Variants in MARS1 observed in about 807,000 individuals in gnomAD.
MARS1 encodes the protein methionyl-tRNA synthetase 1.
In MARS1, 80 loss-of-function variants were observed where a neutral mutation model predicts 119.5. That is an observed-to-expected ratio of 0.67 (90% CI 0.56 to 0.81). The LOEUF (loss-of-function observed/expected upper bound fraction) is 0.81. MARS1 is among the 30% of genes least tolerant of loss of function. The probability of loss-of-function intolerance (pLI) is 0.00; values close to 1 mark genes in which losing one functional copy is unlikely to be tolerated. For synonymous variants in MARS1, 418 were observed against 433.4 expected, an observed-to-expected ratio of 0.96 and a Z score of 0.44; for missense variants, 945 against 1,116.5, an observed-to-expected ratio of 0.85 and a Z score of 2.19.
chr12:57,494,420 C>T (rs762689130), intron 7 of MARS1, among the ~76,000 whole-genome samples: 1 of 149,104 alleles, frequency 6.7e-6, no homozygotes, highest in African/African-American at 2.5e-5. Context: ...CTCTGCCTCC[C>T]GGGTTCAAGT....
intron 10 of MARS1, 171 bp from the exon 11 acceptor site, chr12:57,504,054 G>T: frequency 1.7e-6 from 1 of 602,126 alleles, no homozygotes; most frequent in South Asian, 2.0e-5. Flanking sequence ...ATACTGAGAA[G>T]ATTTGAGTCT....
chr12:57,497,653 G>C (rs980792386), intron 7 of MARS1, among the ~76,000 whole-genome samples: 2 of 152,130 alleles, frequency 1.3e-5, no homozygotes, highest in African/African-American at 2.4e-5. Flanking sequence ...GGAAGTGACA[G>C]ACATGGGTTA....
intron 3 of MARS1, 34 bp downstream of exon 3, chr12:57,489,379 C>T (rs373141532): frequency 1.1e-4 from 175 of 1,613,946 alleles, no homozygotes; most frequent in Non-Finnish European, 1.4e-4. Flanking sequence ...TCAGGCAGGC[C>T]CTTGTTCTGC....
chr12:57,488,747 A>G, intron 1 of MARS1: 1 of 1,276,520 alleles, frequency 7.8e-7, no homozygotes, highest in Non-Finnish European at 1.1e-6. Context: ...TTCAGTCGTT[A>G]AGTTCTTGGC....
chr12:57,506,707 C>T lies in MARS1; in HGVS notation c.1368+2408C>T, dbSNP rs138298853. On this transcript the variant is annotated intron_variant, in intron 11 of 20. Transcript: ENST00000262027. ...TTTTTCTTTTCTTGAGATGGAGTCC[C>T]GCTCTGTTGCCCAGACTGTAGTGCA... Among the ~76,000 whole-genome samples the T allele has an allele frequency of 2.0e-3, 311 of 152,182 alleles. 4 individuals carry two copies. In the East Asian group the frequency reaches 0.028, roughly 13 times the overall value.
intron 11 of MARS1, among the ~76,000 whole-genome samples, chr12:57,509,670 G>A (rs530922730): frequency 2.6e-5 from 4 of 151,908 alleles, no homozygotes; most frequent in Admixed American, 1.3e-4. Flanking sequence ...TTGGCCTCCC[G>A]AAGTGCTGGG....
intron 7 of MARS1, among the ~76,000 whole-genome samples, chr12:57,495,102 A>C (rs1433598111): frequency 2.3e-5 from 3 of 129,140 alleles, no homozygotes; most frequent in African/African-American, 9.0e-5. Context: ...GTGCCCCCCC[A>C]CCTCCCGGGC....
intron 4 of MARS1, 63 bp downstream of exon 4, chr12:57,489,621 C>CTGTATTCA: frequency 1.2e-6 from 2 of 1,604,178 alleles, no homozygotes; most frequent in East Asian, 4.5e-5. Context: ...AGAGGGAAGA[C>CTGTATTCA]TGTATTCAGA....
At chr12:57,514,340 G>A (rs1877669270) in intron 15 of MARS1, among the ~76,000 whole-genome samples, 1 of 151,826 alleles carries the variant, frequency 6.6e-6, no homozygotes, top group Non-Finnish European at 1.5e-5. Flanking sequence ...TGCATTTTTA[G>A]TAGAGACGAG....
rs769545323 is a variant in MARS1, at chr12:57,488,194, C to G, written c.104C>G (p.Pro35Arg). ...RAEVLISTVG[P>R]EDCVVPFLTR... is the part of the protein sequence containing the mutation. ...GAGGTGCTCATCAGCACTGTAGGCCCGGAAGGTACTCGTGCTGGTGCTGGT... is the reference window on the plus strand; with the variant it reads ...GAGGTGCTCATCAGCACTGTAGGCCGGGAAGGTACTCGTGCTGGTGCTGGT... Residue 35 changes from proline (P) to arginine (R), a missense_variant, in exon 1 of 21, where the codon CCG becomes CGG. Pro to Arg is a moderately radical substitution (Grantham distance 103, BLOSUM62 -2). Transcript: ENST00000262027. 2.5e-6 allele frequency: 4 copies of G among 1,611,020 alleles called. No individual in the cohort carries two copies. Among genetic ancestry groups the G allele is most frequent in the Non-Finnish European group, 2.5e-6 (3 of 1,177,768 alleles).
intron 11 of MARS1, among the ~76,000 whole-genome samples, chr12:57,507,304 C>T (rs1451188125): frequency 4.0e-5 from 6 of 149,190 alleles, no homozygotes; most frequent in African/African-American, 1.2e-4. Flanking sequence ...CCCCACCTTT[C>T]CCCCCTTTCT....
At chr12:57,512,135 G>T (rs748698433) in intron 13 of MARS1, 32 bp downstream of exon 13, 11 of 1,608,784 alleles carry the variant, frequency 6.8e-6, no homozygotes, top group Admixed American at 3.3e-5. Flanking sequence ...TGTGCATGGG[G>T]AGGGTAGGCG....
In MARS1 at chr12:57,516,310, A is replaced by C; in HGVS notation, c.2529A>C (p.Gln843His). Residue 843 changes from glutamine (Q) to histidine (H), a missense_variant, in exon 20 of 21, where the codon CAA (glutamine) becomes CAC (histidine). Transcript: ENST00000262027. ...TVTTAKPQQI[Q>H]ALMDEVTKQG... ...CAACAGCCAAGCCACAGCAGATACA[A>C]GCGCTGATGGATGAAGTGACAAAAC... 6.2e-7 allele frequency: 1 copy of C among 1,614,198 alleles called. No individual in the cohort carries two copies. The highest frequency in any genetic ancestry group is 8.5e-7 in the Non-Finnish European group (1 of 1,180,012).
intron 7 of MARS1, among the ~76,000 whole-genome samples, chr12:57,493,711 T>A (rs1430853142): frequency 1.2e-3 from 1 of 802 alleles, no homozygotes; most frequent in African/African-American, 2.8e-3. Context: ...TATAATATAT[T>A]ATATATTATA....
chr12:57,495,522 C>T (rs894464558), intron 7 of MARS1, among the ~76,000 whole-genome samples: 1 of 151,664 alleles, frequency 6.6e-6, no homozygotes, highest in Non-Finnish European at 1.5e-5. Context: ...CCAGACTGGG[C>T]GGCCAGGCAG....
At chr12:57,510,082 G>A (rs1298794918) in intron 11 of MARS1, among the ~76,000 whole-genome samples, 1 of 152,086 alleles carries the variant, frequency 6.6e-6, no homozygotes, top group African/African-American at 2.4e-5. Context: ...CACAATCACA[G>A]CTCACCGCAC....
At chr12:57,508,604 G>A (rs1272977604) in intron 11 of MARS1, among the ~76,000 whole-genome samples, 1 of 152,246 alleles carries the variant, frequency 6.6e-6, no homozygotes, top group Admixed American at 6.5e-5. Context: ...GAGCAGAGAT[G>A]GCGGCAGTAC....
chr12:57,501,365 G>A (rs1876907178), intron 10 of MARS1, among the ~76,000 whole-genome samples: 1 of 152,230 alleles, frequency 6.6e-6, no homozygotes, highest in African/African-American at 2.4e-5. Flanking sequence ...TGTGGAAAAT[G>A]GATGGCAGGG....
rs1360549577 is a variant in MARS1, at chr12:57,516,611, A to C, written c.*30A>C. The C allele has an allele frequency of 1.3e-6, 2 of 1,550,958 alleles. No homozygotes were observed. Among genetic ancestry groups the C allele is most frequent in the Non-Finnish European group, 1.7e-6 (2 of 1,155,706 alleles). The stretch of plus-strand genomic sequence containing the variant: ...CCTTGGCTCATAGAAAGTCACTTTA[A>C]TAGATAGGGACAGTAATAAATAAAT... On this transcript the variant is annotated 3_prime_UTR_variant, in exon 21 of 21. Coordinates refer to ENST00000262027, the MANE Select transcript of MARS1 (RefSeq NM_004990.4).
Sources: gnomAD v4.1 joint callset for allele counts (sites outside exome capture counted in the v4.1 genomes callset) on GRCh38, gnomAD v4.1.1 for gene constraint, MANE v1.5 for transcripts, NCBI Gene and HGNC (gene_info 2026-07-23, HGNC 2026-07-21) for gene names.